Variants in EPHA5 observed in about 807,000 individuals in gnomAD.
EPHA5 encodes ephrin type-A receptor 5.
EPHA5 carries 60 observed loss-of-function variants against 105.0 expected under a neutral mutation model. That is an observed-to-expected ratio of 0.57 (90% CI 0.46 to 0.71). The LOEUF is 0.71. EPHA5 is among the 30% of genes least tolerant of loss of function. EPHA5 has a pLI of 0.00. For synonymous variants in EPHA5, 513 were observed against 449.1 expected (o/e 1.14, Z -1.80); for missense variants, 1,218 against 1,274.7 (o/e 0.96, Z 0.68).
chr4:65,495,987 T>A (rs1373201045), intron 3 of EPHA5, among the ~76,000 whole-genome samples: 2 of 152,198 alleles, frequency 1.3e-5, no homozygotes, highest in Non-Finnish European at 2.9e-5. Context: ...AATAAATTAA[T>A]TAATTAGTAT....
intron 5 of EPHA5, among the ~76,000 whole-genome samples, chr4:65,422,851 T>C (rs1724067061): frequency 6.6e-6 from 1 of 152,112 alleles, no homozygotes; most frequent in African/African-American, 2.4e-5. Flanking sequence ...CATTCCCACA[T>C]ACCTTACATC....
At position 65,323,317 on chromosome 4, in the gene EPHA5, A is replaced by G. The variant is rs1719784275; in HGVS notation, c.*797T>C. On this transcript the variant is annotated 3_prime_UTR_variant, in exon 17 of 17. Coordinates refer to ENST00000613740, the MANE Select transcript of EPHA5 (RefSeq NM_001281766.3). ...ATTACATTCTGGAACACTTGCTCCT[A>G]TATGTTGCTAAAATTGAAACACTAT... 8.7e-6 allele frequency: 2 copies of G among 229,704 alleles called. No homozygotes were observed. The highest frequency in any genetic ancestry group is 1.1e-4 in the Admixed American group (2 of 17,566). The allele number at this position is 229,704 out of a possible 1,614,324, so 14.2% of individuals were successfully genotyped here. A position where few individuals can be genotyped will look rare whatever the true frequency, so the allele number is the denominator to read the frequency against.
chr4:65,332,623 G>A (rs529649172), intron 15 of EPHA5, among the ~76,000 whole-genome samples: 1 of 151,230 alleles, frequency 6.6e-6, no homozygotes, highest in Non-Finnish European at 1.5e-5. Flanking sequence ...GGTGGTGGGG[G>A]GTGGGGGAAG....
At chr4:65,573,670 G>C (rs1740474682) in intron 3 of EPHA5, 1 of 1,599,424 alleles carries the variant, frequency 6.3e-7, no homozygotes, top group Non-Finnish European at 8.5e-7. Flanking sequence ...ATGTACAAGA[G>C]GAAGTACTCA....
intron 8 of EPHA5, among the ~76,000 whole-genome samples, chr4:65,402,899 G>A (rs897753594): frequency 7.9e-5 from 12 of 152,114 alleles, no homozygotes; most frequent in Non-Finnish European, 2.9e-5. Context: ...CCAGAAAGCA[G>A]GGATATAGGT....
Position 65,402,624 on chromosome 4 carries a change from A to T in EPHA5, c.1793+1750T>A, listed in dbSNP as rs185017039. Reference sequence around the variant, plus strand: ...ATTCATTTCTCCTAAGTGCACACACAACAAATACAGAATCTTCTTATAACC... The same window carrying T: ...ATTCATTTCTCCTAAGTGCACACACTACAAATACAGAATCTTCTTATAACC... On this transcript the variant is annotated intron_variant, in intron 8 of 16. Transcript: ENST00000613740. Among the ~76,000 whole-genome samples, 278 of 152,278 alleles carry T rather than the reference A, an allele frequency of 1.8e-3. 2 individuals are homozygous for T. Among genetic ancestry groups the T allele is most frequent in the Non-Finnish European group, 2.5e-3 (171 of 68,028 alleles).
intron 3 of EPHA5, among the ~76,000 whole-genome samples, chr4:65,560,006 G>A (rs1738845679): frequency 6.6e-6 from 1 of 152,068 alleles, no homozygotes; most frequent in Non-Finnish European, 1.5e-5. Context: ...AACAATCAAT[G>A]GGATATATAA....
At chr4:65,658,779 C>T (rs537485967) in intron 1 of EPHA5, among the ~76,000 whole-genome samples, 93 of 152,088 alleles carry the variant, frequency 6.1e-4, no homozygotes, top group African/African-American at 2.1e-3. Flanking sequence ...TTTTGCTATA[C>T]CTCAGCTAAA....
At chr4:65,651,185 G>T (rs1748576481) in intron 1 of EPHA5, among the ~76,000 whole-genome samples, 1 of 152,186 alleles carries the variant, frequency 6.6e-6, no homozygotes, top group Non-Finnish European at 1.5e-5. Flanking sequence ...AGTAGAATCA[G>T]CAGGGGAGCA....
intron 3 of EPHA5, among the ~76,000 whole-genome samples, chr4:65,587,242 T>G (rs1419102319): frequency 5.9e-5 from 9 of 152,088 alleles, no homozygotes; most frequent in African/African-American, 2.2e-4. Context: ...ACCAGGTCCA[T>G]GAGGTACAGA....
chr4:65,435,339 A>G (rs1435267698), intron 5 of EPHA5, among the ~76,000 whole-genome samples: 1 of 152,138 alleles, frequency 6.6e-6, no homozygotes, highest in African/African-American at 2.4e-5. Flanking sequence ...GCTAAGAATA[A>G]TATTTACAGA....
intron 5 of EPHA5, among the ~76,000 whole-genome samples, chr4:65,448,271 A>C (rs929146847): frequency 6.6e-6 from 1 of 151,972 alleles, no homozygotes. Context: ...GTAAAAAAAA[A>C]AGGACAGAAA....
At chr4:65,595,362 C>T (rs934352538) in intron 3 of EPHA5, among the ~76,000 whole-genome samples, 4 of 151,882 alleles carry the variant, frequency 2.6e-5, no homozygotes, top group Admixed American at 6.6e-5. Flanking sequence ...TAATGTCTAA[C>T]GAGATAGCAA....
rs549824613 is a variant in EPHA5 at position 65,453,833 on chromosome 4, C to T, written c.1403-33268G>A. On this transcript the variant is annotated intron_variant, in intron 5 of 16. Coordinates refer to ENST00000613740, the MANE Select transcript of EPHA5 (RefSeq NM_001281766.3). ...TTGATCTGTCAAGTCACCCACTTTT[C>T]CCTCTTTCAAGTGTAGTTTATTTTC... Among the ~76,000 whole-genome samples the T allele has an allele frequency of 1.4e-4, 21 of 152,278 alleles. No homozygotes were observed. In the East Asian group the frequency reaches 3.9e-3, roughly 28 times the overall value.
At chr4:65,438,036 C>T (rs1035610800) in intron 5 of EPHA5, among the ~76,000 whole-genome samples, 3 of 151,844 alleles carry the variant, frequency 2.0e-5, no homozygotes, top group Non-Finnish European at 4.4e-5. Context: ...GCTTATACAG[C>T]ATCATAGTAG....
intron 3 of EPHA5, among the ~76,000 whole-genome samples, chr4:65,534,010 GA>G (rs1289368041): frequency 6.6e-6 from 1 of 152,002 alleles, no homozygotes; most frequent in Admixed American, 6.6e-5. Context: ...AAGAATGAAT[GA>G]TCAGATACTC....
intron 8 of EPHA5, among the ~76,000 whole-genome samples, chr4:65,375,722 C>T (rs894877562): frequency 6.6e-6 from 1 of 151,606 alleles, no homozygotes; most frequent in Admixed American, 6.6e-5. Context: ...ATAATTGACA[C>T]TAAAGTAGAA....
At chr4:65,348,813 A>ATTT (rs1411450820) in intron 13 of EPHA5, among the ~76,000 whole-genome samples, 977 of 41,310 alleles carry the variant, frequency 0.024, 127 homozygotes, top group African/African-American at 0.047. Context: ...ATATATATAT[A>ATTT]TATTTTTTTT....
chr4:65,585,050 G>A lies in EPHA5; in HGVS notation c.910+16591C>T, dbSNP rs142117772. On this transcript the variant is annotated intron_variant, in intron 3 of 16. Coordinates refer to ENST00000613740, the MANE Select transcript of EPHA5 (RefSeq NM_001281766.3). Reference sequence around the variant, plus strand: ...CCCTCCAGCTCCAGTACTTACCAACGTGTTATCTTCATTACATCTCTGTTT... The same window carrying A: ...CCCTCCAGCTCCAGTACTTACCAACATGTTATCTTCATTACATCTCTGTTT... Among the ~76,000 whole-genome samples the A allele has an allele frequency of 7.2e-4, 109 of 151,610 alleles. 1 individual carries two copies. The highest frequency in any genetic ancestry group is 2.4e-3 in the African/African-American group (98 of 41,398).
Sources: allele counts gnomAD v4.1 joint callset (sites outside exome capture counted in the v4.1 genomes callset), GRCh38; gene constraint gnomAD v4.1.1; transcripts MANE v1.5; gene names NCBI Gene and HGNC (gene_info 2026-07-23, HGNC 2026-07-21).